PTPRQ: variants seen among roughly 807,000 people sequenced by gnomAD.
PTPRQ encodes the protein phosphatidylinositol phosphatase PTPRQ.
PTPRQ carries 199 observed loss-of-function variants against 246.0 expected under a neutral mutation model. That is an observed-to-expected ratio of 0.81 (90% CI 0.72 to 0.91). The LOEUF is 0.91. PTPRQ is among the 40% of genes least tolerant of loss of function. The probability of loss-of-function intolerance (pLI) is 0.00; values close to 1 mark genes in which losing one functional copy is unlikely to be tolerated. For missense variants in PTPRQ, 2,624 were observed against 2,528.4 expected, an observed-to-expected ratio of 1.04 and a Z score of -0.81; for synonymous variants, 869 against 853.2, an observed-to-expected ratio of 1.02 and a Z score of -0.32.
chr12:80,576,831 A>C (rs1767813497), intron 25 of PTPRQ, among the ~76,000 whole-genome samples: 1 of 152,176 alleles, frequency 6.6e-6, no homozygotes, highest in Admixed American at 6.5e-5. Context: ...TTATGCTAAC[A>C]CAAACCTCTC....
rs2091631310 is a variant in PTPRQ at position 80,459,267 on chromosome 12, A to ATC, written c.461-15_461-14dup. ...TTATAACAAAGTTTTTTCCTTCCCA[A>ATC]TCTTTCTCTTCCCCAGCTCCAGGAA... On this transcript the variant is annotated splice_polypyrimidine_tract_variant and intron_variant, in intron 4 of 44. Coordinates refer to ENST00000644991, the MANE Select transcript of PTPRQ (RefSeq NM_001145026.2). 2.5e-6 allele frequency: 1 copy of ATC among 398,318 alleles called. No individual in the cohort carries two copies. The highest frequency in any genetic ancestry group is 4.4e-6 in the Non-Finnish European group (1 of 225,858). 24.7% of individuals were successfully genotyped at this position (398,318 alleles called of 1,614,324 possible). A position where few individuals can be genotyped will look rare whatever the true frequency, so the allele number is the denominator to read the frequency against.
intron 35 of PTPRQ, among the ~76,000 whole-genome samples, chr12:80,636,539 C>G (rs1419921644): frequency 1.3e-5 from 2 of 152,182 alleles, no homozygotes; most frequent in Non-Finnish European, 2.9e-5. Context: ...TTTGCCCCTC[C>G]TCAGGCCTGT....
chr12:80,563,782 T>C (rs1477768475), intron 25 of PTPRQ, among the ~76,000 whole-genome samples: 4 of 152,116 alleles, frequency 2.6e-5, no homozygotes, highest in Non-Finnish European at 4.4e-5. Flanking sequence ...ATTGACATTA[T>C]GGTGGAAGGG....
At chr12:80,650,563 A>C (rs1392738449) in intron 37 of PTPRQ, among the ~76,000 whole-genome samples, 1 of 152,070 alleles carries the variant, frequency 6.6e-6, no homozygotes, top group East Asian at 1.9e-4. Flanking sequence ...TAAATAATTC[A>C]GAATTATAAT....
intron 3 of PTPRQ, among the ~76,000 whole-genome samples, chr12:80,452,915 C>T (rs1443343537): frequency 1.3e-5 from 2 of 152,182 alleles, no homozygotes; most frequent in African/African-American, 4.8e-5. Context: ...GTTGACCTGC[C>T]TTGCTGGATT....
intron 25 of PTPRQ, among the ~76,000 whole-genome samples, chr12:80,587,636 A>G (rs933998957): frequency 2.0e-5 from 3 of 152,208 alleles, no homozygotes; most frequent in African/African-American, 4.8e-5. Context: ...GATGAATTAT[A>G]TACATTAAAA....
At chr12:80,637,774 C>A (rs1899711940) in intron 35 of PTPRQ, among the ~76,000 whole-genome samples, 1 of 152,120 alleles carries the variant, frequency 6.6e-6, no homozygotes, top group African/African-American at 2.4e-5. Flanking sequence ...TGGATCCTGT[C>A]ATTTGGTGAA....
chr12:80,542,880 A>T lies in PTPRQ; in HGVS notation c.3872A>T (p.Lys1291Met). Residue 1291 changes from lysine (K) to methionine (M), a missense_variant and splice_region_variant, in exon 23 of 45, where the codon AAG (lysine) becomes ATG (methionine). Coordinates refer to ENST00000644991, the MANE Select transcript of PTPRQ (RefSeq NM_001145026.2). ...HEHETDTIYY[K>M]NISGFKTEAK... ...CATGAAACTGACACTATATATTATA[A>T]GGTAGGTTGATTATAACAGTATATG... is the stretch of plus-strand genomic sequence containing the variant. 2 of 1,474,248 alleles carry T rather than the reference A, an allele frequency of 1.4e-6. No individual in the cohort carries two copies. Among genetic ancestry groups the T allele is most frequent in the South Asian group, 2.8e-5 (2 of 71,606 alleles). The allele number at this position is 1,474,248 out of a possible 1,614,324, so 91.3% of individuals were successfully genotyped here. A position where few individuals can be genotyped will look rare whatever the true frequency, so the allele number is the denominator to read the frequency against.
intron 35 of PTPRQ, among the ~76,000 whole-genome samples, chr12:80,637,601 A>C (rs1318227816): frequency 6.6e-6 from 1 of 152,232 alleles, no homozygotes; most frequent in Non-Finnish European, 1.5e-5. Flanking sequence ...ACAGAAATGC[A>C]TTAAAATAAC....
At chr12:80,631,057 C>T (rs1204632279) in intron 33 of PTPRQ, among the ~76,000 whole-genome samples, 1 of 152,090 alleles carries the variant, frequency 6.6e-6, no homozygotes, top group African/African-American at 2.4e-5. Context: ...AACATTTATG[C>T]AGCAAAATTA....
chr12:80,587,273 C>T (rs1402090772), intron 25 of PTPRQ, among the ~76,000 whole-genome samples: 6 of 151,968 alleles, frequency 3.9e-5, no homozygotes, highest in South Asian at 2.1e-4. Context: ...ATATACAGTT[C>T]GCATTATGTA....
intron 37 of PTPRQ, among the ~76,000 whole-genome samples, chr12:80,650,357 A>G (rs543825701): frequency 6.6e-6 from 1 of 152,026 alleles, no homozygotes; most frequent in Admixed American, 6.6e-5. Flanking sequence ...AATTGAAATT[A>G]TTTAAAAACA....
In PTPRQ at chr12:80,449,864, T is replaced by G. The variant is rs565421022; in HGVS notation, c.390+4147T>G. Among the ~76,000 whole-genome samples the G allele has an allele frequency of 2.0e-5, 3 of 152,220 alleles. No homozygotes were observed. The East Asian group carries it at 5.8e-4, about 29-fold the overall frequency. The stretch of plus-strand genomic sequence containing the variant: ...GGATTGACTTGGCGATGTGGGCTCT[T>G]TTTTGGTTCCATATGAACTTTAAAG... On this transcript the variant is annotated intron_variant, in intron 3 of 44. Coordinates refer to ENST00000644991, the MANE Select transcript of PTPRQ (RefSeq NM_001145026.2).
chr12:80,472,183 A>C lies in PTPRQ; in HGVS notation c.1118A>C (p.Tyr373Ser). ...NLTPFTMYDV[Y>S]IAAETSAGTG... ...ACACCATTTACAATGTATGATGTCT[A>C]TATTGCGGCTGAAACCAGTGCAGGG... Residue 373 changes from tyrosine to serine, a missense_variant, in exon 8 of 45, where the codon TAT becomes TCT. Physicochemically the swap from Tyr to Ser is moderately radical, Grantham distance 144 (BLOSUM62 -2). Transcript: ENST00000644991. 6.4e-7 allele frequency: 1 copy of C among 1,551,636 alleles called. No individual in the cohort carries two copies. Among genetic ancestry groups the C allele is most frequent in the African/African-American group, 1.4e-5 (1 of 73,160 alleles).
chr12:80,588,568 G>A, intron 26 of PTPRQ, 116 bp downstream of exon 26: 1 of 1,128,612 alleles, frequency 8.9e-7, no homozygotes, highest in Non-Finnish European at 1.1e-6. Context: ...AGAAATAACT[G>A]AGGACACTAC....
intron 33 of PTPRQ, among the ~76,000 whole-genome samples, chr12:80,628,590 C>A (rs941456411): frequency 6.6e-6 from 1 of 151,948 alleles, no homozygotes; most frequent in Non-Finnish European, 1.5e-5. Flanking sequence ...CATTTTTAAT[C>A]TTTTTCAAAA....
At chr12:80,515,699 G>C (rs368821043) in intron 17 of PTPRQ, among the ~76,000 whole-genome samples, 1 of 150,796 alleles carries the variant, frequency 6.6e-6, no homozygotes. Context: ...CTCCCAAAGT[G>C]CTGGGATTAC....
At chr12:80,536,260 C>A (rs1257902325) in intron 19 of PTPRQ, among the ~76,000 whole-genome samples, 1 of 152,186 alleles carries the variant, frequency 6.6e-6, no homozygotes, top group Admixed American at 6.5e-5. Context: ...ATAAGTCTTA[C>A]AAATTCTGAG....
intron 8 of PTPRQ, among the ~76,000 whole-genome samples, chr12:80,481,225 A>C (rs961413319): frequency 5.3e-5 from 8 of 152,128 alleles, no homozygotes; most frequent in Non-Finnish European, 1.2e-4. Context: ...TCAATATATT[A>C]AAATCAATAA....
Sources: allele counts gnomAD v4.1 joint callset (sites outside exome capture counted in the v4.1 genomes callset), GRCh38; gene constraint gnomAD v4.1.1; transcripts MANE v1.5; gene names NCBI Gene and HGNC (gene_info 2026-07-23, HGNC 2026-07-21).